The following EVC2 variants were observed in gnomAD, a reference collection of about 807,000 sequenced individuals.
EVC2 encodes limbin.
In EVC2, 148 loss-of-function variants were observed where a neutral mutation model predicts 149.3. That is an observed-to-expected ratio of 0.99 (90% CI 0.87 to 1.14). The LOEUF (loss-of-function observed/expected upper bound fraction) is 1.14, where lower values mean the gene tolerates loss of function less well. Ranked by LOEUF, EVC2 falls within the 50% of genes most tolerant of loss-of-function variation. EVC2 has a pLI of 0.00. For synonymous variants in EVC2, 776 were observed against 649.9 expected (o/e 1.19, Z -2.95); for missense variants, 1,854 against 1,627.3 (o/e 1.14, Z -2.40).
chr4:5,538,466 TTA>T (rs879924211), downstream of EVC2, among the ~76,000 whole-genome samples: 10 of 152,170 alleles, frequency 6.6e-5, no homozygotes, highest in Non-Finnish European at 1.2e-4. Flanking sequence ...CCAACTCATT[TTA>T]TGAGGCCAGC....
chr4:5,699,653 A>AG (rs1721702755), intron 1 of EVC2, among the ~76,000 whole-genome samples: 3 of 150,548 alleles, frequency 2.0e-5, no homozygotes, highest in South Asian at 4.2e-4. Flanking sequence ...AAAAAAAAAA[A>AG]AAAAAGAAAA....
Position 5,640,864 on chromosome 4 carries a change from T to C in EVC2, c.1146-26A>G, listed in dbSNP as rs1325973838. 1.2e-6 allele frequency: 2 copies of C among 1,613,638 alleles called. No homozygotes were observed. Among genetic ancestry groups the C allele is most frequent in the East Asian group, 4.5e-5 (2 of 44,872 alleles). Reference sequence around the variant, plus strand: ...CTAGGAAACACAAAAATCAAAAGAATTCCATTACATGAAATTGCAACAGAA... The same window carrying C: ...CTAGGAAACACAAAAATCAAAAGAACTCCATTACATGAAATTGCAACAGAA... On this transcript the variant is annotated intron_variant, in intron 9 of 21. Coordinates refer to ENST00000344408, the MANE Select transcript of EVC2 (RefSeq NM_147127.5). The surrounding 1 kb of genome is among the most constrained non-coding windows in gnomAD (Gnocchi z 4.6).
At chr4:5,580,968 C>T (rs1462744410) in intron 17 of EVC2, among the ~76,000 whole-genome samples, 1 of 152,132 alleles carries the variant, frequency 6.6e-6, no homozygotes, top group Non-Finnish European at 1.5e-5. Flanking sequence ...CTGTGTAGCA[C>T]CTCCTCCATT....
intron 8 of EVC2, among the ~76,000 whole-genome samples, chr4:5,664,708 A>G (rs1489393933): frequency 6.6e-6 from 1 of 152,134 alleles, no homozygotes; most frequent in Non-Finnish European, 1.5e-5. Context: ...CCTGGGCAGG[A>G]CTAAGCCCCA....
chr4:5,606,289 C>T (rs887561172), intron 16 of EVC2, among the ~76,000 whole-genome samples: 5 of 152,176 alleles, frequency 3.3e-5, no homozygotes, highest in Admixed American at 1.3e-4. Flanking sequence ...AGCAGACCTA[C>T]TGTAAAGCCA....
At chr4:5,615,666 C>A in intron 15 of EVC2, 122 bp from the exon 16 acceptor site, 1 of 1,427,842 alleles carries the variant, frequency 7.0e-7, no homozygotes, top group Non-Finnish European at 9.8e-7. Flanking sequence ...AAAACTCTGC[C>A]TTAGGCCAGA....
chr4:5,685,142 G>A (rs867042957), intron 6 of EVC2, among the ~76,000 whole-genome samples: 5 of 152,306 alleles, frequency 3.3e-5, no homozygotes, highest in Non-Finnish European at 5.9e-5. Context: ...ATAACCTCAT[G>A]TGAGGCCCAG....
At chr4:5,534,265 G>A in the EVC2 span, among the ~76,000 whole-genome samples, 1 of 152,168 alleles carries the variant, frequency 6.6e-6, no homozygotes, top group African/African-American at 2.4e-5. Context: ...CTCATTGAAG[G>A]GTGGGAATTT....
At chr4:5,555,092 T>C (rs1029554483) in intron 21 of EVC2, among the ~76,000 whole-genome samples, 2 of 151,854 alleles carry the variant, frequency 1.3e-5, no homozygotes, top group Admixed American at 6.6e-5. Flanking sequence ...ATCTCCATAG[T>C]AGAAGGTCAA....
rs7672864 is a variant in EVC2, at chr4:5,629,897, T to A, written c.1711-1163A>T. ...TCCTTAAATACTCTCATAGCTCTGG[T>A]CAAGAAAGCTTGTAGGGCAGTACTG... is the stretch of plus-strand genomic sequence containing the variant. On this transcript the variant is annotated intron_variant, in intron 11 of 21. Coordinates refer to ENST00000344408, the MANE Select transcript of EVC2 (RefSeq NM_147127.5). Among the ~76,000 whole-genome samples, 68 of 152,364 alleles carry A rather than the reference T, an allele frequency of 4.5e-4. 1 individual carries two copies. The highest frequency in any genetic ancestry group is 1.6e-3 in the African/African-American group (67 of 41,584).
At chr4:5,672,583 C>T (rs1433054105) in intron 7 of EVC2, among the ~76,000 whole-genome samples, 3 of 152,124 alleles carry the variant, frequency 2.0e-5, no homozygotes, top group Admixed American at 2.0e-4. Context: ...CACCCCTTTC[C>T]ACACTGTGGG....
chr4:5,594,192 CCTGT>C (rs1713143261), intron 16 of EVC2, among the ~76,000 whole-genome samples: 1 of 152,268 alleles, frequency 6.6e-6, no homozygotes, highest in East Asian at 1.9e-4. Context: ...CTTAAATGTC[CCTGT>C]CTGACAGCTT....
chr4:5,536,034 C>T, the EVC2 span, among the ~76,000 whole-genome samples: 5 of 151,934 alleles, frequency 3.3e-5, no homozygotes, highest in Non-Finnish European at 7.4e-5. Context: ...CCTACAGGCC[C>T]ATCTGCTTGG....
At chr4:5,603,917 C>T (rs1012110822) in intron 16 of EVC2, among the ~76,000 whole-genome samples, 16 of 152,206 alleles carry the variant, frequency 1.1e-4, no homozygotes, top group African/African-American at 3.6e-4. Flanking sequence ...CAAAGAGGAA[C>T]TGAAATGTCC....
chr4:5,694,617 GGTAA>G (rs1028722456), intron 2 of EVC2, 116 bp from the exon 3 acceptor site: 51 of 1,163,118 alleles, frequency 4.4e-5, no homozygotes, highest in Non-Finnish European at 6.1e-5. Context: ...ACGTTTGTTG[GGTAA>G]GTAAGTTAAT....
intron 9 of EVC2, among the ~76,000 whole-genome samples, chr4:5,650,839 C>T (rs566226551): frequency 1.3e-5 from 2 of 152,192 alleles, no homozygotes; most frequent in South Asian, 4.2e-4. Context: ...AGAGTCCTTG[C>T]TGTACCATCT....
chr4:5,642,435 T>C (rs1269122069), intron 9 of EVC2, among the ~76,000 whole-genome samples: 3 of 152,224 alleles, frequency 2.0e-5, no homozygotes, highest in African/African-American at 7.2e-5. Context: ...AACAACTAAA[T>C]GCTTCTTTAT....
intron 10 of EVC2, among the ~76,000 whole-genome samples, 163 bp from the exon 11 acceptor site, chr4:5,632,195 G>GTGTGTGCATGCACA (rs1716595613): frequency 2.0e-5 from 3 of 152,222 alleles, no homozygotes; most frequent in African/African-American, 7.2e-5. Context: ...TGCGCATGCA[G>GTGTGTGCATGCACA]TGTGTGCATG....
At chr4:5,575,234 G>A (rs1722850729) in intron 18 of EVC2, among the ~76,000 whole-genome samples, 1 of 152,180 alleles carries the variant, frequency 6.6e-6, no homozygotes, top group Admixed American at 6.5e-5. Context: ...ACATGCCTTA[G>A]CTAATGCAAG....
Sources: allele counts gnomAD v4.1 joint callset (sites outside exome capture counted in the v4.1 genomes callset), GRCh38; gene constraint gnomAD v4.1.1; non-coding constraint Gnocchi (gnomAD v3.1); transcripts MANE v1.5; gene names NCBI Gene and HGNC (gene_info 2026-07-23, HGNC 2026-07-21).